Variants in PLAC8 observed in about 807,000 individuals in gnomAD.
PLAC8 encodes the protein placenta associated 8, also known as placenta-specific gene 8 protein.
PLAC8 carries 6 observed loss-of-function variants against 12.6 expected under a neutral mutation model. The ratio of observed to expected loss-of-function variants is 0.48; its 90% CI spans 0.26 to 0.94. PLAC8 has a LOEUF of 0.94. PLAC8 is among the 40% of genes least tolerant of loss of function. The pLI is 0.14. For missense variants in PLAC8, 122 were observed against 152.7 expected, an observed-to-expected ratio of 0.80 and a Z score of 1.06; for synonymous variants, 54 against 52.6, an observed-to-expected ratio of 1.03 and a Z score of -0.11.
intron 2 of PLAC8, among the ~76,000 whole-genome samples, chr4:83,107,206 C>CA (rs70946971): frequency 0.53 from 52,816 of 100,046 alleles, 9,984 homozygotes; most frequent in Middle Eastern, 0.61. Context: ...GTCTCAAAAA[C>CA]AAACAAAAAA....
intron 3 of PLAC8, among the ~76,000 whole-genome samples, chr4:83,098,687 T>G (rs1732006581): frequency 6.6e-6 from 1 of 152,148 alleles, no homozygotes; most frequent in South Asian, 2.1e-4. Context: ...TCATGCTATC[T>G]TCATTGAGTC....
chr4:83,094,428 T>C (rs1443307811), intron 4 of PLAC8: 7 of 338,990 alleles, frequency 2.1e-5, no homozygotes, highest in Non-Finnish European at 3.7e-5. Flanking sequence ...GCTTCCTTAA[T>C]AGATCACCAG....
At chr4:83,095,949 C>G (rs1459074013) in intron 3 of PLAC8, among the ~76,000 whole-genome samples, 1 of 152,184 alleles carries the variant, frequency 6.6e-6, no homozygotes, top group Non-Finnish European at 1.5e-5. Flanking sequence ...TCATCTCCAT[C>G]AAGCGCAGGG....
At chr4:83,113,758 T>C (rs1732474999) in intron 1 of PLAC8, among the ~76,000 whole-genome samples, 3 of 152,064 alleles carry the variant, frequency 2.0e-5, no homozygotes, top group Admixed American at 2.0e-4. Flanking sequence ...CTTTGGAGAA[T>C]GAGACTAGAA....
At chr4:83,105,459 T>C (rs530733552) in intron 2 of PLAC8, among the ~76,000 whole-genome samples, 2 of 152,274 alleles carry the variant, frequency 1.3e-5, no homozygotes, top group Admixed American at 6.5e-5. Flanking sequence ...TCAGGAAATA[T>C]TGAAGGATGA....
At chr4:83,110,703 C>T (rs1031329048) in intron 1 of PLAC8, among the ~76,000 whole-genome samples, 1 of 152,258 alleles carries the variant, frequency 6.6e-6, no homozygotes, top group Admixed American at 6.5e-5. Flanking sequence ...AATGTTTCAC[C>T]TGACTCTGCA....
At chr4:83,109,789 C>G (rs921773131) in intron 1 of PLAC8, 34 of 152,462 alleles carry the variant, frequency 2.2e-4, no homozygotes, top group African/African-American at 7.7e-4. Context: ...CGGGGCTCTT[C>G]GATCAACCCT....
rs770175745 is a variant in PLAC8 at position 83,107,871 on chromosome 4, G to C, written c.51C>G (p.Pro17=). ...AGTTGGAGTTCTGGGGGGCCGGACC[G>C]GGACCGACTCCAGGTTGGGTCACAA... ...VVVVTQPGVG[P]GPAPQNSNWQ... is the part of the protein sequence containing the mutation. The change falls in exon 2 of 5, where the codon CCC becomes CCG. Residue 17 remains proline, a synonymous_variant. Coordinates refer to ENST00000311507, the MANE Select transcript of PLAC8 (RefSeq NM_016619.3). The C allele has an allele frequency of 2.5e-6, 4 of 1,602,626 alleles. No homozygotes were observed. Among genetic ancestry groups the C allele is most frequent in the Admixed American group, 1.7e-5 (1 of 59,314 alleles).
Position 83,104,912 on chromosome 4 carries a change from G to T in PLAC8, c.227C>A (p.Thr76Asn). The T allele has an allele frequency of 6.2e-7, 1 of 1,614,034 alleles. No homozygotes were observed. Among genetic ancestry groups the T allele is most frequent in the Non-Finnish European group, 8.5e-7 (1 of 1,179,934 alleles). The change falls in exon 3 of 5, where the codon ACC becomes AAC. Residue 76 changes from threonine to asparagine, a missense_variant. By Grantham distance (65) the Thr-to-Asn change is moderately conservative. Coordinates refer to ENST00000311507, the MANE Select transcript of PLAC8 (RefSeq NM_016619.3). ...TSVAMRTLYRTRYGIPGSICD... is the reference protein window; with the variant it reads ...TSVAMRTLYRNRYGIPGSICD... Reference sequence around the variant, plus strand: ...GAGACTCACAGGGATGCCATATCGGGTCCTGTAGAGAGTCCTCATTGCGAC... The same window carrying T: ...GAGACTCACAGGGATGCCATATCGGTTCCTGTAGAGAGTCCTCATTGCGAC...
At chr4:83,107,775 A>G in intron 2 of PLAC8, 29 bp downstream of exon 2, 1 of 1,388,926 alleles carries the variant, frequency 7.2e-7, no homozygotes, top group Non-Finnish European at 1.0e-6. Context: ...TCGGTATCAA[A>G]TAAGGGGGTT....
chr4:83,110,647 T>C (rs900082605), intron 1 of PLAC8, among the ~76,000 whole-genome samples: 1 of 152,114 alleles, frequency 6.6e-6, no homozygotes, highest in Non-Finnish European at 1.5e-5. Flanking sequence ...AGATGGTGCA[T>C]AGCAAACAGT....
chr4:83,104,836 TATA>T, intron 3 of PLAC8, 57 bp downstream of exon 3: 1 of 1,555,622 alleles, frequency 6.4e-7, no homozygotes, highest in South Asian at 1.1e-5. Flanking sequence ...TCTCCATGTT[TATA>T]ATAATTATTT....
At chr4:83,106,832 C>G (rs937403538) in intron 2 of PLAC8, among the ~76,000 whole-genome samples, 2 of 152,196 alleles carry the variant, frequency 1.3e-5, no homozygotes, top group African/African-American at 2.4e-5. Context: ...CAACGCCCAT[C>G]ACACCCCAAA....
intron 3 of PLAC8, among the ~76,000 whole-genome samples, chr4:83,100,813 T>C (rs777112380): frequency 1.3e-5 from 2 of 152,184 alleles, no homozygotes; most frequent in Non-Finnish European, 2.9e-5. Flanking sequence ...GAAAAACATA[T>C]TGAAACCAGA....
rs542487577 is a variant in PLAC8 at position 83,096,680 on chromosome 4, A to C, written c.244-1889T>G. Among the ~76,000 whole-genome samples the C allele has an allele frequency of 4.3e-4, 65 of 152,338 alleles. No individual in the cohort carries two copies. The East Asian group carries it at 0.01, about 24-fold the overall frequency. ...AAGATACAGCTATGGACATAGACATATAGAGTTTGGCATTTCAGGAGTTCG... is the reference window on the plus strand; with the variant it reads ...AAGATACAGCTATGGACATAGACATCTAGAGTTTGGCATTTCAGGAGTTCG... On this transcript the variant is annotated intron_variant, in intron 3 of 4. Coordinates refer to ENST00000311507, the MANE Select transcript of PLAC8 (RefSeq NM_016619.3).
At chr4:83,094,911 C>T (rs1468669211) in intron 3 of PLAC8, 120 bp from the exon 4 acceptor site, 31 of 513,170 alleles carry the variant, frequency 6.0e-5, no homozygotes, top group Non-Finnish European at 3.5e-6. Context: ...TGGATGGATA[C>T]ATTTAGGAAA....
chr4:83,092,810 C>CTTTTTTTTTTTTTTTTTTTT (rs70946966), intron 4 of PLAC8: 3 of 84,888 alleles, frequency 3.5e-5, no homozygotes, highest in Non-Finnish European at 4.4e-5. Context: ...TTTTCTTTTC[C>CTTTTTTTTTTTTTTTTTTTT]TTTTTTTTTT....
At chr4:83,105,554 A>G (rs1190010255) in intron 2 of PLAC8, among the ~76,000 whole-genome samples, 1 of 152,244 alleles carries the variant, frequency 6.6e-6, no homozygotes, top group Admixed American at 6.5e-5. Flanking sequence ...TGTTCATTCA[A>G]TATGGCTGGA....
intron 3 of PLAC8, among the ~76,000 whole-genome samples, chr4:83,102,813 G>A (rs538393907): frequency 1.6e-4 from 24 of 152,324 alleles, no homozygotes; most frequent in East Asian, 1.9e-4. Context: ...TTGGCCGGGC[G>A]CGGTGGCTCA....
Sources: gnomAD v4.1 joint callset for allele counts (sites outside exome capture counted in the v4.1 genomes callset) on GRCh38, gnomAD v4.1.1 for gene constraint, MANE v1.5 for transcripts, NCBI Gene and HGNC (gene_info 2026-07-23, HGNC 2026-07-21) for gene names.